The following SLC25A26 variants were observed in gnomAD, a reference collection of about 807,000 sequenced individuals.
The protein encoded by SLC25A26 is solute carrier family 25 member 26.
A neutral mutation model predicts 37.8 loss-of-function variants in SLC25A26; 36 were observed. The observed-to-expected ratio is 0.95, with a 90% CI of 0.73 to 1.26. The LOEUF is 1.26. Among genes scored for constraint, SLC25A26 ranks in the 50% most tolerant of loss-of-function variants. The pLI is 0.00. For synonymous variants in SLC25A26, 129 were observed against 122.5 expected, an observed-to-expected ratio of 1.05 and a Z score of -0.35; for missense variants, 390 against 331.1, an observed-to-expected ratio of 1.18 and a Z score of -1.38.
chr3:66,190,322 A>G (rs2070914814), intron 1 of SLC25A26, among the ~76,000 whole-genome samples: 1 of 151,846 alleles, frequency 6.6e-6, no homozygotes, highest in Non-Finnish European at 1.5e-5. Flanking sequence ...CAAAAAAAAA[A>G]AAAGAAAAAA....
chr3:66,286,941 G>A (rs1453858422), intron 5 of SLC25A26, among the ~76,000 whole-genome samples: 1 of 152,090 alleles, frequency 6.6e-6, no homozygotes, highest in African/African-American at 2.4e-5. Context: ...GGGATTACAG[G>A]CATGAGCCAC....
intron 3 of SLC25A26, among the ~76,000 whole-genome samples, chr3:66,252,650 T>C (rs1046622417): frequency 3.9e-5 from 6 of 152,200 alleles, no homozygotes; most frequent in African/African-American, 1.4e-4. Flanking sequence ...AAATATTGAA[T>C]AAACATTGGG....
At chr3:66,239,406 C>T (rs1461598681) in intron 2 of SLC25A26, among the ~76,000 whole-genome samples, 1 of 152,174 alleles carries the variant, frequency 6.6e-6, no homozygotes, top group African/African-American at 2.4e-5. Flanking sequence ...GAACAGGGCA[C>T]TCTCATCTAC....
chr3:66,266,833 A>C (rs1187616239), intron 5 of SLC25A26, among the ~76,000 whole-genome samples: 1 of 152,152 alleles, frequency 6.6e-6, no homozygotes. Flanking sequence ...ATGCTTTCAT[A>C]TCCAGGATGA....
intron 1 of SLC25A26, among the ~76,000 whole-genome samples, chr3:66,215,076 G>T (rs2071340551): frequency 6.6e-6 from 1 of 152,180 alleles, no homozygotes; most frequent in Non-Finnish European, 1.5e-5. Flanking sequence ...AGTGAGCCTA[G>T]AGAGCGCCAC....
intron 1 of SLC25A26, among the ~76,000 whole-genome samples, chr3:66,195,653 T>C (rs2071034330): frequency 6.6e-6 from 1 of 152,190 alleles, no homozygotes; most frequent in Non-Finnish European, 1.5e-5. Flanking sequence ...CATCTTCTGG[T>C]TGTGTGGTCC....
intron 2 of SLC25A26, among the ~76,000 whole-genome samples, chr3:66,237,096 C>G (rs940429878): frequency 6.6e-6 from 1 of 152,156 alleles, no homozygotes; most frequent in Admixed American, 6.5e-5. Flanking sequence ...CTTGGGCTCC[C>G]CAAAGTGCTG....
At chr3:66,368,930 G>C (rs1700182055) in intron 7 of SLC25A26, among the ~76,000 whole-genome samples, 1 of 150,968 alleles carries the variant, frequency 6.6e-6, no homozygotes. Flanking sequence ...CTAAGGTGGA[G>C]AGATCACTTG....
intron 1 of SLC25A26, among the ~76,000 whole-genome samples, chr3:66,206,669 A>C (rs1019582913): frequency 6.6e-6 from 1 of 151,418 alleles, no homozygotes; most frequent in African/African-American, 2.4e-5. Context: ...TTCAGTTAAC[A>C]TATTTGCATC....
intron 3 of SLC25A26, among the ~76,000 whole-genome samples, chr3:66,259,722 C>T (rs2073446986): frequency 1.3e-5 from 2 of 152,138 alleles, no homozygotes; most frequent in Admixed American, 1.3e-4. Flanking sequence ...TCCCCCTTTG[C>T]TTCTTGCCTT....
At chr3:66,267,792 T>G (rs929001624) in intron 5 of SLC25A26, among the ~76,000 whole-genome samples, 7 of 152,154 alleles carry the variant, frequency 4.6e-5, no homozygotes, top group African/African-American at 1.4e-4. Context: ...AAATCATCAC[T>G]CTTAGTAGTT....
At chr3:66,236,098 G>C (rs962829056) in intron 1 of SLC25A26, among the ~76,000 whole-genome samples, 15 of 151,368 alleles carry the variant, frequency 9.9e-5, no homozygotes, top group African/African-American at 3.6e-4. Context: ...TTTTTGTAGT[G>C]ATGATGTCTC....
At chr3:66,368,138 A>G (rs974292703) in intron 7 of SLC25A26, among the ~76,000 whole-genome samples, 1 of 152,160 alleles carries the variant, frequency 6.6e-6, no homozygotes, top group East Asian at 1.9e-4. Context: ...AGATCAGATG[A>G]CCTTCTTGTC....
At chr3:66,165,706 C>A (rs1397533767) in intron 1 of SLC25A26, among the ~76,000 whole-genome samples, 2 of 152,084 alleles carry the variant, frequency 1.3e-5, no homozygotes, top group South Asian at 2.1e-4. Context: ...ATGGAATAAC[C>A]TATATACTGT....
chr3:66,160,141 T>G (rs2070337154), intron 1 of SLC25A26, among the ~76,000 whole-genome samples: 1 of 152,094 alleles, frequency 6.6e-6, no homozygotes, highest in South Asian at 2.1e-4. Flanking sequence ...TAGCTGGGAT[T>G]ACAGTCATGC....
chr3:66,227,634 T>C (rs946082451), intron 1 of SLC25A26, among the ~76,000 whole-genome samples: 1 of 152,192 alleles, frequency 6.6e-6, no homozygotes, highest in Non-Finnish European at 1.5e-5. Context: ...AATTCATGTA[T>C]GTAGGTACCA....
chr3:66,235,673 G>T (rs1450370919), intron 1 of SLC25A26, among the ~76,000 whole-genome samples: 1 of 152,158 alleles, frequency 6.6e-6, no homozygotes, highest in East Asian at 1.9e-4. Flanking sequence ...TATAACATTT[G>T]GTCTGACGTG....
chr3:66,275,003 A>G (rs533165026), intron 5 of SLC25A26, among the ~76,000 whole-genome samples: 6 of 152,284 alleles, frequency 3.9e-5, no homozygotes, highest in Non-Finnish European at 5.9e-5. Flanking sequence ...AACCAAGCCA[A>G]ATGTCCAACA....
At chr3:66,261,909 T>TA (rs377056969) in intron 3 of SLC25A26, 142 bp from the exon 4 acceptor site, 9,469 of 532,372 alleles carry the variant, frequency 0.018, no homozygotes, top group East Asian at 0.024. Context: ...AGTTTTAGGT[T>TA]AAAAAAAAAA....
Sources: allele counts gnomAD v4.1 joint callset (sites outside exome capture counted in the v4.1 genomes callset), GRCh38; gene constraint gnomAD v4.1.1; transcripts MANE v1.5; gene names NCBI Gene and HGNC (gene_info 2026-07-23, HGNC 2026-07-21).